Variants in RGS6 observed in about 807,000 individuals in gnomAD.
RGS6 encodes regulator of G-protein signaling 6.
In RGS6, 30 loss-of-function variants were observed where a neutral mutation model predicts 78.5. That is an observed-to-expected ratio of 0.38 (90% CI 0.29 to 0.52). The LOEUF is 0.52. Ranked by LOEUF, RGS6 falls within the 20% of genes least tolerant of loss-of-function variation. The pLI, the probability that RGS6 is intolerant of heterozygous loss-of-function variation, is 0.85. For synonymous variants in RGS6, 206 were observed against 206.0 expected, an observed-to-expected ratio of 1.00 and a Z score of 0.00; for missense variants, 495 against 609.7, an observed-to-expected ratio of 0.81 and a Z score of 1.98.
intron 6 of RGS6, among the ~76,000 whole-genome samples, chr14:72,462,194 C>T (rs181898821): frequency 1.8e-4 from 28 of 152,274 alleles, no homozygotes; most frequent in African/African-American, 6.0e-4. Context: ...AGCCTTTCCC[C>T]GCAAGCATTC....
rs946855638 is a variant in RGS6, at chr14:71,932,843, C to G, written c.-119C>G. 2 of 152,292 alleles carry G rather than the reference C, an allele frequency of 1.3e-5. No homozygotes were observed. The highest frequency in any genetic ancestry group is 2.9e-5 in the Non-Finnish European group (2 of 68,074). 9.4% of individuals were successfully genotyped at this position (152,292 alleles called of 1,614,324 possible). ...CAAGAGGCTGCCGGTCCCCGGTTCC[C>G]TGGGCTTCTCCAGCTTTATCATGAA... On this transcript the variant is annotated 5_prime_UTR_variant, in exon 1 of 18. Transcript: ENST00000553525.
rs904949047 is a variant in RGS6, at chr14:72,061,572, CT to C, written c.84+96708del. On this transcript the variant is annotated intron_variant, in intron 2 of 17. Transcript: ENST00000553525. ...ACCCTGGTTTCAACTGGAAAAGTAACTTTTTTTTTTTCCTTGACACTTTCAG... is the reference window on the plus strand; with the variant it reads ...ACCCTGGTTTCAACTGGAAAAGTAACTTTTTTTTTTCCTTGACACTTTCAG... Among the ~76,000 whole-genome samples, 852 of 147,860 alleles carry C rather than the reference CT, an allele frequency of 5.8e-3. 3 individuals are homozygous for C. The highest frequency in any genetic ancestry group is 0.018 in the African/African-American group (720 of 40,546).
chr14:72,562,387 G>A, intron 17 of RGS6, 30 bp from the exon 18 acceptor site: 5 of 1,605,676 alleles, frequency 3.1e-6, no homozygotes, highest in Non-Finnish European at 4.3e-6. Context: ...GTGCGCCTGT[G>A]CGTGCCTCTC....
chr14:72,375,077 G>A (rs997024488), intron 3 of RGS6, among the ~76,000 whole-genome samples: 1 of 152,150 alleles, frequency 6.6e-6, no homozygotes, highest in African/African-American at 2.4e-5. Context: ...CGGAAAGGCA[G>A]AAACAAATAA....
chr14:72,610,411 C>T, the RGS6 span, among the ~76,000 whole-genome samples: 127 of 152,262 alleles, frequency 8.3e-4, no homozygotes, highest in African/African-American at 3.0e-3. Context: ...CAAATGGAGG[C>T]GCCCTCACCA....
chr14:72,443,283 G>A (rs1251352908), intron 3 of RGS6, among the ~76,000 whole-genome samples: 1 of 152,220 alleles, frequency 6.6e-6, no homozygotes, highest in Non-Finnish European at 1.5e-5. Context: ...TGGGTAAACT[G>A]AGGTTCAGAG....
At chr14:72,256,509 T>C (rs1050969259) in intron 2 of RGS6, among the ~76,000 whole-genome samples, 1 of 152,148 alleles carries the variant, frequency 6.6e-6, no homozygotes, top group African/African-American at 2.4e-5. Context: ...TAGGGGACAA[T>C]GGTTGGTTAT....
At chr14:72,473,615 G>T (rs1208676100) in intron 9 of RGS6, among the ~76,000 whole-genome samples, 1 of 152,102 alleles carries the variant, frequency 6.6e-6, no homozygotes, top group African/African-American at 2.4e-5. Flanking sequence ...GTCGAATACG[G>T]TTAATTCTTG....
At chr14:72,164,433 G>A (rs2153667710) in intron 2 of RGS6, among the ~76,000 whole-genome samples, 1 of 152,318 alleles carries the variant, frequency 6.6e-6, no homozygotes, top group Non-Finnish European at 1.5e-5. Flanking sequence ...GTCGGGCGGA[G>A]AAAGGAAGCA....
At chr14:72,534,054 T>C (rs1477679084) in intron 15 of RGS6, among the ~76,000 whole-genome samples, 3 of 152,222 alleles carry the variant, frequency 2.0e-5, no homozygotes, top group Non-Finnish European at 4.4e-5. Flanking sequence ...CAGAGAAATC[T>C]GTTGCGAAAG....
At chr14:72,074,209 T>C (rs1268765861) in intron 2 of RGS6, among the ~76,000 whole-genome samples, 1 of 152,208 alleles carries the variant, frequency 6.6e-6, no homozygotes, top group Non-Finnish European at 1.5e-5. Flanking sequence ...TTATTTATTT[T>C]TCTATGAGGC....
chr14:72,173,068 G>A (rs1414303204), intron 2 of RGS6, among the ~76,000 whole-genome samples: 5 of 152,136 alleles, frequency 3.3e-5, no homozygotes, highest in Non-Finnish European at 5.9e-5. Context: ...CCTGTAAAGA[G>A]GAAAATACCC....
At chr14:72,349,042 T>G (rs1219311222) in intron 2 of RGS6, among the ~76,000 whole-genome samples, 1 of 151,848 alleles carries the variant, frequency 6.6e-6, no homozygotes, top group Non-Finnish European at 1.5e-5. Context: ...GGCAGGCGCC[T>G]GTAGTCCCCA....
At chr14:72,597,523 A>G in the RGS6 span, among the ~76,000 whole-genome samples, 64,204 of 152,076 alleles carry the variant, frequency 0.42, 14,626 homozygotes, top group East Asian at 0.76. Flanking sequence ...GACCAGACAT[A>G]AATCTTTTCA....
the RGS6 span, among the ~76,000 whole-genome samples, chr14:72,589,410 CAT>C: frequency 6.6e-6 from 1 of 152,120 alleles, no homozygotes; most frequent in Non-Finnish European, 1.5e-5. Flanking sequence ...ATTAGCTAAG[CAT>C]GGTGGCACAC....
intron 3 of RGS6, among the ~76,000 whole-genome samples, chr14:72,394,215 G>T (rs1024977586): frequency 2.0e-5 from 3 of 152,014 alleles, no homozygotes; most frequent in Non-Finnish European, 4.4e-5. Flanking sequence ...GTGTCCGGGG[G>T]AGACATCACA....
chr14:71,884,887 C>T, the RGS6 span, among the ~76,000 whole-genome samples: 1 of 152,132 alleles, frequency 6.6e-6, no homozygotes, highest in Non-Finnish European at 1.5e-5. Context: ...GAGGCCCTTT[C>T]GTTCCCTGTG....
At chr14:72,063,813 A>C (rs1034272203) in intron 2 of RGS6, among the ~76,000 whole-genome samples, 1 of 152,032 alleles carries the variant, frequency 6.6e-6, no homozygotes, top group African/African-American at 2.4e-5. Flanking sequence ...TACTGTTATT[A>C]TCTTCTGCTT....
intron 2 of RGS6, among the ~76,000 whole-genome samples, chr14:72,330,136 A>G (rs1193208192): frequency 6.6e-6 from 1 of 152,210 alleles, no homozygotes; most frequent in Non-Finnish European, 1.5e-5. Flanking sequence ...ACTAGGATCT[A>G]CCATTGGGAT....
Sources: allele counts gnomAD v4.1 joint callset (sites outside exome capture counted in the v4.1 genomes callset), GRCh38; gene constraint gnomAD v4.1.1; transcripts MANE v1.5; gene names NCBI Gene and HGNC (gene_info 2026-07-23, HGNC 2026-07-21).